The following RASGRF2 variants were observed in gnomAD, a reference collection of about 807,000 sequenced individuals.
RASGRF2 encodes the protein Ras protein specific guanine nucleotide releasing factor 2.
In RASGRF2, 76 loss-of-function variants were observed where a neutral mutation model predicts 151.0. The observed-to-expected ratio is 0.50, with a 90% CI of 0.42 to 0.61. The LOEUF is 0.61. Among genes scored for constraint, RASGRF2 ranks in the 20% least tolerant of loss-of-function variants. The pLI is 0.00. For missense variants in RASGRF2, 1,148 were observed against 1,564.6 expected, an observed-to-expected ratio of 0.73 and a Z score of 4.49; for synonymous variants, 504 against 566.5, an observed-to-expected ratio of 0.89 and a Z score of 1.57.
chr5:81,009,338 G>A (rs1465943663), intron 1 of RASGRF2, among the ~76,000 whole-genome samples: 1 of 152,184 alleles, frequency 6.6e-6, no homozygotes, highest in Non-Finnish European at 1.5e-5. Context: ...CCTGAGAGCA[G>A]ATGTAAGCTT....
Position 81,229,403 on chromosome 5 carries a change from AC to A in RASGRF2, c.*3635del, listed in dbSNP as rs1756064469. On this transcript the variant is annotated 3_prime_UTR_variant, in exon 27 of 27. Transcript: ENST00000265080. ...TAAGTTTAATGGCTCCATTATAGATACCACCGTGTAATAGAAGACTTAAGTC... is the reference window on the plus strand; with the variant it reads ...TAAGTTTAATGGCTCCATTATAGATACACCGTGTAATAGAAGACTTAAGTC... 6.6e-6 allele frequency: 1 copy of A among 152,220 alleles called. No individual in the cohort carries two copies. The highest frequency in any genetic ancestry group is 2.4e-5 in the African/African-American group (1 of 41,458). 9.4% of individuals were successfully genotyped at this position (152,220 alleles called of 1,614,324 possible).
rs765930506 is a variant in RASGRF2 at position 81,123,701 on chromosome 5, A to G, written c.2530A>G (p.Thr844Ala). 5.6e-6 allele frequency: 9 copies of G among 1,613,888 alleles called. No homozygotes were observed. Among genetic ancestry groups the G allele is most frequent in the Admixed American group, 3.3e-5 (2 of 59,992 alleles). ...AGVESSPAAD[T>A]TELSPCRSPS... The stretch of plus-strand genomic sequence containing the variant: ...AGTGGAAAGCTCCCCTGCAGCGGAC[A>G]CCACAGAACTTTCACCTTGCAGATC... The change falls in exon 16 of 27, where the codon ACC (threonine) becomes GCC (alanine). Residue 844 changes from threonine (T) to alanine (A), a missense_variant. Transcript: ENST00000265080.
rs145371027 is a variant in RASGRF2, at chr5:80,967,934, G to A, written c.288+6908G>A. Among the ~76,000 whole-genome samples the A allele has an allele frequency of 8.6e-4, 131 of 152,360 alleles. 1 individual carries two copies. Among genetic ancestry groups the A allele is most frequent in the African/African-American group, 3.0e-3 (123 of 41,590 alleles). On this transcript the variant is annotated intron_variant, in intron 1 of 26. Coordinates refer to ENST00000265080, the MANE Select transcript of RASGRF2 (RefSeq NM_006909.3). Reference sequence around the variant, plus strand: ...TTTCTAGGTGAAGTGCTGGTGTTGTGTATGGTTCAGTTCAGGATTTAAACT... The same window carrying A: ...TTTCTAGGTGAAGTGCTGGTGTTGTATATGGTTCAGTTCAGGATTTAAACT...
intron 4 of RASGRF2, among the ~76,000 whole-genome samples, chr5:81,072,985 C>A (rs1751824731): frequency 6.6e-6 from 1 of 152,220 alleles, no homozygotes; most frequent in Admixed American, 6.5e-5. Flanking sequence ...TAAAGATGAT[C>A]AGTAAATGTT....
At chr5:81,021,085 G>T (rs1182284338) in intron 1 of RASGRF2, among the ~76,000 whole-genome samples, 1 of 152,206 alleles carries the variant, frequency 6.6e-6, no homozygotes, top group Non-Finnish European at 1.5e-5. Context: ...TGGGGCTGGA[G>T]TATGGTGTGC....
chr5:81,048,778 C>A (rs1278058739), intron 2 of RASGRF2, among the ~76,000 whole-genome samples: 1 of 152,184 alleles, frequency 6.6e-6, no homozygotes, highest in East Asian at 1.9e-4. Flanking sequence ...TTACTTATTC[C>A]ATTTCTCTCT....
intron 1 of RASGRF2, among the ~76,000 whole-genome samples, chr5:81,003,851 G>A (rs1366610304): frequency 6.6e-6 from 1 of 152,192 alleles, no homozygotes; most frequent in Non-Finnish European, 1.5e-5. Context: ...GGAAATAGAA[G>A]CCTGTATGTT....
At chr5:80,966,251 C>T (rs190169435) in intron 1 of RASGRF2, among the ~76,000 whole-genome samples, 12 of 152,090 alleles carry the variant, frequency 7.9e-5, no homozygotes, top group Non-Finnish European at 1.5e-4. Context: ...AGTTATAAAT[C>T]CCATCTATCT....
At chr5:80,966,010 T>C (rs964923466) in intron 1 of RASGRF2, among the ~76,000 whole-genome samples, 3 of 152,118 alleles carry the variant, frequency 2.0e-5, no homozygotes, top group Admixed American at 6.6e-5. Context: ...TCTTAAATTC[T>C]ACTTTTCACA....
chr5:80,973,599 C>T (rs1289842850), intron 1 of RASGRF2, among the ~76,000 whole-genome samples: 1 of 152,158 alleles, frequency 6.6e-6, no homozygotes, highest in African/African-American at 2.4e-5. Context: ...ACCAGGCTGG[C>T]CTGGGGGTGC....
Position 81,172,467 on chromosome 5 carries a change from GTGTGTGTT to G in RASGRF2, c.2687-7706_2687-7699del, listed in dbSNP as rs1268540839. Among the ~76,000 whole-genome samples, 24 of 146,332 alleles carry G rather than the reference GTGTGTGTT, an allele frequency of 1.6e-4. No individual in the cohort carries two copies. In the East Asian group the frequency reaches 4.4e-3, roughly 27 times the overall value. On this transcript the variant is annotated intron_variant, in intron 17 of 26. Coordinates refer to ENST00000265080, the MANE Select transcript of RASGRF2 (RefSeq NM_006909.3). The stretch of plus-strand genomic sequence containing the variant: ...TGTGTGTGTGTGTGTGTGTGTGTGT[GTGTGTGTT>G]TATTGTTACAGTTAACTGCACTTAG...
chr5:81,136,798 T>C (rs989894617), intron 17 of RASGRF2, among the ~76,000 whole-genome samples: 2 of 152,138 alleles, frequency 1.3e-5, no homozygotes, highest in Non-Finnish European at 2.9e-5. Context: ...TTTGGGTTTT[T>C]TCCCCCTTTC....
At chr5:81,028,738 A>C (rs568440544) in intron 1 of RASGRF2, among the ~76,000 whole-genome samples, 2 of 152,300 alleles carry the variant, frequency 1.3e-5, no homozygotes, top group Non-Finnish European at 2.9e-5. Flanking sequence ...AGGGTGAGCG[A>C]CGCAGAAGAC....
At chr5:81,005,495 A>T (rs1231224713) in intron 1 of RASGRF2, among the ~76,000 whole-genome samples, 1 of 152,090 alleles carries the variant, frequency 6.6e-6, no homozygotes, top group African/African-American at 2.4e-5. Context: ...TCAAGATACG[A>T]TTTGGGTGGG....
chr5:81,033,852 C>G (rs1024570059), intron 1 of RASGRF2, among the ~76,000 whole-genome samples: 1 of 152,076 alleles, frequency 6.6e-6, no homozygotes, highest in South Asian at 2.1e-4. Context: ...ACCATCAGAG[C>G]GAACAGGCAA....
intron 18 of RASGRF2, 139 bp downstream of exon 18, chr5:81,180,420 A>G: frequency 1.6e-6 from 1 of 617,080 alleles, no homozygotes; most frequent in Non-Finnish European, 3.0e-6. Context: ...AAGGGAAGAA[A>G]TAGGCTAGGC....
At chr5:81,041,913 C>A (rs191063741) in intron 1 of RASGRF2, among the ~76,000 whole-genome samples, 4 of 152,134 alleles carry the variant, frequency 2.6e-5, no homozygotes, top group Non-Finnish European at 5.9e-5. Flanking sequence ...CCCTATTTTA[C>A]GAATATCACA....
At chr5:81,084,886 T>C (rs1212775408) in intron 7 of RASGRF2, among the ~76,000 whole-genome samples, 2 of 152,246 alleles carry the variant, frequency 1.3e-5, no homozygotes, top group Admixed American at 6.5e-5. Context: ...GCTGGGATTA[T>C]AGTTGACGCT....
chr5:81,114,159 A>G (rs1753086122), intron 15 of RASGRF2, among the ~76,000 whole-genome samples: 1 of 152,236 alleles, frequency 6.6e-6, no homozygotes, highest in African/African-American at 2.4e-5. Flanking sequence ...TATTGTGGTC[A>G]GTTGTCTATG....
Sources: allele counts gnomAD v4.1 joint callset (sites outside exome capture counted in the v4.1 genomes callset), GRCh38; gene constraint gnomAD v4.1.1; transcripts MANE v1.5; gene names NCBI Gene and HGNC (gene_info 2026-07-23, HGNC 2026-07-21).